The following ZNF865 variants were observed in gnomAD, a reference collection of about 807,000 sequenced individuals.
ZNF865 encodes zinc finger protein 865.
For synonymous variants in ZNF865, 763 were observed against 750.8 expected (o/e 1.02, Z -0.27); for missense variants, 1,311 against 1,593.4 (o/e 0.82, Z 3.02).
At position 55,616,797 on chromosome 19, in the gene ZNF865, G is replaced by T; in HGVS notation, c.3179G>T (p.Ter1060LeuextTer81). ...GGCACCTTGGCCGGGAAGGATGCCT[G>T]ACCGAGGGGTTCCCATCCCACTCCC... ...GAGTLAGKDA[*>L] Residue 1060 changes from the stop codon to leucine, a stop_lost, in exon 2 of 2, where the codon TGA becomes TTA. Transcript: ENST00000568956. 6.9e-7 allele frequency: 1 copy of T among 1,441,330 alleles called. No individual in the cohort carries two copies. The highest frequency in any genetic ancestry group is 1.5e-5 in the South Asian group (1 of 68,608). The allele number at this position is 1,441,330 out of a possible 1,614,324, so 89.3% of individuals were successfully genotyped here. A position where few individuals can be genotyped will look rare whatever the true frequency, so the allele number is the denominator to read the frequency against.
In ZNF865 at chr19:55,615,567, G is replaced by C; in HGVS notation, c.1949G>C (p.Gly650Ala). ...AGLPSTQGTP[G>A]ACGPGASGTS... is the part of the protein sequence containing the mutation. ...CTCCCCTCCACCCAAGGCACACCGG[G>C]GGCCTGTGGGCCCGGGGCCTCGGGC... The change falls in exon 2 of 2, where the codon GGG becomes GCG. Residue 650 changes from glycine (G) to alanine (A), a missense_variant. Physicochemically the swap from Gly to Ala is moderately conservative, Grantham distance 60. Transcript: ENST00000568956. 2.0e-6 allele frequency: 3 copies of C among 1,527,818 alleles called. No homozygotes were observed. In the African/African-American group the frequency reaches 4.1e-5, roughly 21 times the overall value. The allele number at this position is 1,527,818 out of a possible 1,614,324, so 94.6% of individuals were successfully genotyped here. A position where few individuals can be genotyped will look rare whatever the true frequency, so the allele number is the denominator to read the frequency against.
chr19:55,612,744 A>G (rs1981184599), intron 1 of ZNF865: 1 of 152,282 alleles, frequency 6.6e-6, no homozygotes, highest in African/African-American at 2.4e-5. Context: ...TGTGTGTTGA[A>G]TCCTCACAGT....
chr19:55,607,467 G>C (rs569496038), intron 1 of ZNF865, among the ~76,000 whole-genome samples: 1 of 151,606 alleles, frequency 6.6e-6, no homozygotes, highest in Admixed American at 6.6e-5. Context: ...AAAAAAGCTG[G>C]GTGTGGTTGG....
intron 1 of ZNF865, among the ~76,000 whole-genome samples, chr19:55,606,947 C>G (rs572697016): frequency 6.6e-5 from 10 of 152,248 alleles, no homozygotes; most frequent in African/African-American, 2.4e-4. Context: ...TCTGGGTGAG[C>G]AGGCAGCAAG....
intron 1 of ZNF865, among the ~76,000 whole-genome samples, chr19:55,610,489 A>G (rs1360964405): frequency 6.6e-6 from 1 of 152,136 alleles, no homozygotes; most frequent in Non-Finnish European, 1.5e-5. Context: ...TCGAACTCCT[A>G]ACCTCAGGTG....
chr19:55,610,455 T>G (rs1230641970), intron 1 of ZNF865, among the ~76,000 whole-genome samples: 1 of 152,182 alleles, frequency 6.6e-6, no homozygotes, highest in African/African-American at 2.4e-5. Flanking sequence ...GAGACGGGGT[T>G]TCGCCATGTA....
At chr19:55,606,141 C>A (rs1980931965) in intron 1 of ZNF865, among the ~76,000 whole-genome samples, 1 of 152,098 alleles carries the variant, frequency 6.6e-6, no homozygotes, top group African/African-American at 2.4e-5. Context: ...TATAATTCTC[C>A]CCAGAGTGTT....
Position 55,615,967 on chromosome 19 carries a change from G to A in ZNF865, c.2349G>A (p.Gly783=), listed in dbSNP as rs1390345872. Residue 783 remains glycine, a synonymous_variant, in exon 2 of 2, where the codon GGG becomes GGA. Coordinates refer to ENST00000568956, the MANE Select transcript of ZNF865 (RefSeq NM_001195605.2). ...GGGCGGCGGTGGCAGGTGCTGGCGGGGGTGCCAGTTCCGGCCCCGAGCGCT... is the reference window on the plus strand; with the variant it reads ...GGGCGGCGGTGGCAGGTGCTGGCGGAGGTGCCAGTTCCGGCCCCGAGCGCT... The part of the protein sequence containing the change: ...AGGAAVAGAG[G]GASSGPERFS... 2.6e-6 allele frequency: 4 copies of A among 1,515,310 alleles called. No homozygotes were observed. The highest frequency in any genetic ancestry group is 1.4e-5 in the African/African-American group (1 of 71,418). 93.9% of individuals were successfully genotyped at this position (1,515,310 alleles called of 1,614,324 possible).
chr19:55,615,790 G>C lies in ZNF865; in HGVS notation c.2172G>C (p.Glu724Asp), dbSNP rs1458639906. 6.6e-7 allele frequency: 1 copy of C among 1,520,980 alleles called. No homozygotes were observed. The highest frequency in any genetic ancestry group is 1.4e-5 in the African/African-American group (1 of 71,338). The allele number at this position is 1,520,980 out of a possible 1,614,324, so 94.2% of individuals were successfully genotyped here. Residue 724 changes from glutamate to aspartate, a missense_variant, in exon 2 of 2, where the codon GAG (glutamate) becomes GAC (aspartate). By Grantham distance (45) the Glu-to-Asp change is conservative. Coordinates refer to ENST00000568956, the MANE Select transcript of ZNF865 (RefSeq NM_001195605.2). ...WHKLVHQAAPERLLPPAPGGL... is the reference protein window; with the variant it reads ...WHKLVHQAAPDRLLPPAPGGL... ...AGCTGGTCCACCAGGCCGCCCCCGAGCGCCTGCTCCCGCCCGCACCCGGCG... is the reference window on the plus strand; with the variant it reads ...AGCTGGTCCACCAGGCCGCCCCCGACCGCCTGCTCCCGCCCGCACCCGGCG...
rs1231569977 is a variant in ZNF865 at position 55,614,347 on chromosome 19, G to A, written c.729G>A (p.Met243Ile). ...AGTCCTCGCACCTGGTCCAGCACATGCTGGTGCACTCGGGGGAGAGGCCCT... is the reference window on the plus strand; with the variant it reads ...AGTCCTCGCACCTGGTCCAGCACATACTGGTGCACTCGGGGGAGAGGCCCT... The part of the protein sequence containing the change: ...FKQSSHLVQH[M>I]LVHSGERPYE... Residue 243 changes from methionine (M) to isoleucine (I), a missense_variant, in exon 2 of 2, where the codon ATG (methionine) becomes ATA (isoleucine). Transcript: ENST00000568956. This position sits in a 1 kb window ranked among gnomAD's most constrained non-coding sequence, Gnocchi z 8.0. 6.7e-7 allele frequency: 1 copy of A among 1,492,276 alleles called. No homozygotes were observed. The allele number at this position is 1,492,276 out of a possible 1,614,324, so 92.4% of individuals were successfully genotyped here. A position where few individuals can be genotyped will look rare whatever the true frequency, so the allele number is the denominator to read the frequency against.
chr19:55,609,794 G>GTGGAGGGGTGGGTCCCTCCC (rs1981067351), intron 1 of ZNF865, among the ~76,000 whole-genome samples: 1 of 152,186 alleles, frequency 6.6e-6, no homozygotes, highest in Admixed American at 6.5e-5. Context: ...GGTGGTGGTG[G>GTGGAGGGGTGGGTCCCTCCC]TGGAGGGGTG....
In ZNF865 at chr19:55,615,400, C is replaced by A; in HGVS notation, c.1782C>A (p.Ser594Arg). The change falls in exon 2 of 2, where the codon AGC becomes AGA. Residue 594 changes from serine (S) to arginine (R), a missense_variant. Physicochemically the swap from Ser to Arg is moderately radical, Grantham distance 110. Transcript: ENST00000568956. Reference sequence around the variant, plus strand: ...GCTTCCGCGAATCCTTCCACTTGAGCAAGCATCACGTGGTGCACACGCGCG... The same window carrying A: ...GCTTCCGCGAATCCTTCCACTTGAGAAAGCATCACGTGGTGCACACGCGCG... ...GKRFRESFHL[S>R]KHHVVHTRER... 6.7e-7 allele frequency: 1 copy of A among 1,497,778 alleles called. No homozygotes were observed. Among genetic ancestry groups the A allele is most frequent in the South Asian group, 1.3e-5 (1 of 79,464 alleles). 92.8% of individuals were successfully genotyped at this position (1,497,778 alleles called of 1,614,324 possible). A position where few individuals can be genotyped will look rare whatever the true frequency, so the allele number is the denominator to read the frequency against.
In ZNF865 at chr19:55,615,523, C is replaced by T. The variant is rs1163209934; in HGVS notation, c.1905C>T (p.Ala635=). 3.3e-6 allele frequency: 5 copies of T among 1,507,876 alleles called. No individual in the cohort carries two copies. The highest frequency in any genetic ancestry group is 4.4e-6 in the Non-Finnish European group (5 of 1,134,270). The allele number at this position is 1,507,876 out of a possible 1,614,324, so 93.4% of individuals were successfully genotyped here. A position where few individuals can be genotyped will look rare whatever the true frequency, so the allele number is the denominator to read the frequency against. The change falls in exon 2 of 2, where the codon GCC becomes GCT. Residue 635 remains alanine, a synonymous_variant. Transcript: ENST00000568956. ...RQVHRLQLPC[A]LAGAAGLPST... ...TGCACCGGCTCCAGCTGCCCTGCGC[C>T]CTGGCCGGGGCAGCCGGCCTCCCCT...
At chr19:55,607,102 G>T (rs1006838607) in intron 1 of ZNF865, among the ~76,000 whole-genome samples, 1 of 152,136 alleles carries the variant, frequency 6.6e-6, no homozygotes, top group African/African-American at 2.4e-5. Flanking sequence ...GGAGGTGAGG[G>T]CACTGGGATA....
chr19:55,616,168 C>T lies in ZNF865; in HGVS notation c.2550C>T (p.Cys850=), dbSNP rs891648028. The stretch of plus-strand genomic sequence containing the variant: ...ATCGGCAGAAGCGGGGTTTCCGCTG[C>T]CCGGTGTGCGGGAAGCGCTTCTGGG... ...RSHRQKRGFR[C]PVCGKRFWEA... is the part of the protein sequence containing the mutation. Residue 850 remains cysteine (C), a synonymous_variant, in exon 2 of 2, where the codon TGC becomes TGT. Coordinates refer to ENST00000568956, the MANE Select transcript of ZNF865 (RefSeq NM_001195605.2). 11 of 1,513,642 alleles carry T rather than the reference C, an allele frequency of 7.3e-6. 1 individual carries two copies. In the African/African-American group the frequency reaches 1.5e-4, roughly 21 times the overall value. The allele number at this position is 1,513,642 out of a possible 1,614,324, so 93.8% of individuals were successfully genotyped here.
Position 55,615,824 on chromosome 19 carries a change from C to T in ZNF865, c.2206C>T (p.Pro736Ser), listed in dbSNP as rs1298670478. Residue 736 changes from proline to serine, a missense_variant, in exon 2 of 2, where the codon CCC (proline) becomes TCC (serine). By Grantham distance (74) the Pro-to-Ser change is moderately conservative (BLOSUM62 -1). Coordinates refer to ENST00000568956, the MANE Select transcript of ZNF865 (RefSeq NM_001195605.2). ...CCCGCCCGCACCCGGCGGCCTGCAG[C>T]CCCCGGACGGCTCCAGCGGCACGGA... ...LLPPAPGGLQ[P>S]PDGSSGTDAA... is the part of the protein sequence containing the mutation. 3.3e-6 allele frequency: 5 copies of T among 1,505,546 alleles called. No homozygotes were observed. The highest frequency in any genetic ancestry group is 3.5e-6 in the Non-Finnish European group (4 of 1,133,780). 93.3% of individuals were successfully genotyped at this position (1,505,546 alleles called of 1,614,324 possible). A position where few individuals can be genotyped will look rare whatever the true frequency, so the allele number is the denominator to read the frequency against.
At position 55,615,014 on chromosome 19, in the gene ZNF865, C is replaced by T. The variant is rs1340339108; in HGVS notation, c.1396C>T (p.Pro466Ser). The T allele has an allele frequency of 1.3e-5, 17 of 1,351,944 alleles. No homozygotes were observed. Among genetic ancestry groups the T allele is most frequent in the Non-Finnish European group, 1.6e-5 (17 of 1,057,454 alleles). The allele number at this position is 1,351,944 out of a possible 1,614,324, so 83.7% of individuals were successfully genotyped here. A position where few individuals can be genotyped will look rare whatever the true frequency, so the allele number is the denominator to read the frequency against. The change falls in exon 2 of 2, where the codon CCC becomes TCC. Residue 466 changes from proline (P) to serine (S), a missense_variant. Transcript: ENST00000568956. ...LLRHKAAHAP[P>S]AAAAEAPKDG... ...CCGCCACAAGGCCGCCCACGCCCCG[C>T]CCGCTGCCGCTGCGGAGGCGCCCAA...
In ZNF865 at chr19:55,611,390, A is replaced by G. The variant is rs1981129190; in HGVS notation, c.-26-2203A>G. ...ATCACCCCCTATTCCCTGCATCCTTATGGCCTGTGTTTGCCTCCCTGGCCA... is the reference window on the plus strand; with the variant it reads ...ATCACCCCCTATTCCCTGCATCCTTGTGGCCTGTGTTTGCCTCCCTGGCCA... On this transcript the variant is annotated intron_variant, in intron 1 of 1. Transcript: ENST00000568956. This position sits in a 1 kb window ranked among gnomAD's most constrained non-coding sequence, Gnocchi z 4.5. Among the ~76,000 whole-genome samples the G allele has an allele frequency of 6.6e-6, 1 of 151,796 alleles. No homozygotes were observed. Among genetic ancestry groups the G allele is most frequent in the Non-Finnish European group, 1.5e-5 (1 of 67,934 alleles).
chr19:55,606,216 G>A (rs1382655050), intron 1 of ZNF865, among the ~76,000 whole-genome samples: 1 of 151,934 alleles, frequency 6.6e-6, no homozygotes, highest in East Asian at 1.9e-4. Context: ...AGCCCCCAAT[G>A]GCCCTGACCA....
Sources: allele counts gnomAD v4.1 joint callset (sites outside exome capture counted in the v4.1 genomes callset), GRCh38; gene constraint gnomAD v4.1.1; non-coding constraint Gnocchi (gnomAD v3.1); transcripts MANE v1.5; gene names NCBI Gene and HGNC (gene_info 2026-07-23, HGNC 2026-07-21).